Variants in MACC1 observed in about 807,000 individuals in gnomAD.
The protein encoded by MACC1 is MET transcriptional regulator MACC1, also known as metastasis-associated in colon cancer protein 1.
Under a neutral mutation model 70.7 loss-of-function variants are expected in MACC1, and 79 were observed. The observed-to-expected ratio is 1.12, with a 90% CI of 0.93 to 1.35. MACC1 has a LOEUF of 1.35. Among genes scored for constraint, MACC1 ranks in the 40% most tolerant of loss-of-function variants. MACC1 has a pLI of 0.00. For synonymous variants in MACC1, 361 were observed against 347.2 expected, an observed-to-expected ratio of 1.04 and a Z score of -0.44; for missense variants, 1,106 against 978.1, an observed-to-expected ratio of 1.13 and a Z score of -1.74.
rs996076402 is a variant in MACC1, at chr7:20,158,340, G to A, written c.2021C>T (p.Ser674Leu). 6.2e-7 allele frequency: 1 copy of A among 1,613,864 alleles called. No homozygotes were observed. Among genetic ancestry groups the A allele is most frequent in the East Asian group, 2.2e-5 (1 of 44,858 alleles). ...WKVLADVLGY[S>L]HLSLEDFDQI... ...ATCAAAATCTTCCAGGGACAGATGTGAGTAACCCAGGACATCAGCTAAAAC... is the reference window on the plus strand; with the variant it reads ...ATCAAAATCTTCCAGGGACAGATGTAAGTAACCCAGGACATCAGCTAAAAC... Residue 674 changes from serine to leucine, a missense_variant, in exon 5 of 7, where the codon TCA (serine) becomes TTA (leucine). By Grantham distance (145) the Ser-to-Leu change is moderately radical. Coordinates refer to ENST00000400331, the MANE Select transcript of MACC1 (RefSeq NM_182762.4).
At chr7:20,192,807 A>G (rs1383525943) in intron 1 of MACC1, among the ~76,000 whole-genome samples, 1 of 152,232 alleles carries the variant, frequency 6.6e-6, no homozygotes, top group Non-Finnish European at 1.5e-5. Flanking sequence ...CTTGCTGAAC[A>G]TAATTAAATC....
intron 1 of MACC1, among the ~76,000 whole-genome samples, chr7:20,199,838 A>G (rs1379764987): frequency 6.6e-6 from 1 of 152,222 alleles, no homozygotes; most frequent in East Asian, 1.9e-4. Context: ...ATATCTTAAA[A>G]ATAAATTTAA....
chr7:20,161,518 G>A (rs1782138746), intron 4 of MACC1, among the ~76,000 whole-genome samples: 1 of 151,772 alleles, frequency 6.6e-6, no homozygotes, highest in African/African-American at 2.4e-5. Flanking sequence ...TATAGTTATT[G>A]CATATAACAC....
intron 2 of MACC1, among the ~76,000 whole-genome samples, chr7:20,168,533 G>T (rs770896866): frequency 6.6e-6 from 1 of 152,190 alleles, no homozygotes; most frequent in African/African-American, 2.4e-5. Flanking sequence ...ATAAAGAGGG[G>T]TGAAGAGGAG....
intron 1 of MACC1, among the ~76,000 whole-genome samples, chr7:20,180,367 C>T (rs1028272967): frequency 6.6e-6 from 1 of 150,908 alleles, no homozygotes; most frequent in African/African-American, 2.4e-5. Flanking sequence ...TGCTTGAACC[C>T]GGGAGGAGGA....
chr7:20,183,470 T>C (rs1047861809), intron 1 of MACC1, among the ~76,000 whole-genome samples: 3 of 152,222 alleles, frequency 2.0e-5, no homozygotes, highest in Admixed American at 6.5e-5. Context: ...AGGGCCAAGC[T>C]TCATTGTACC....
intron 1 of MACC1, among the ~76,000 whole-genome samples, chr7:20,207,607 T>A (rs1308459586): frequency 1.3e-5 from 2 of 152,214 alleles, no homozygotes; most frequent in Admixed American, 6.5e-5. Flanking sequence ...ATAGCGCTAT[T>A]CACCATGTTG....
intron 1 of MACC1, among the ~76,000 whole-genome samples, chr7:20,209,177 A>G (rs56048579): frequency 0.13 from 19,547 of 152,274 alleles, 1,456 homozygotes; most frequent in African/African-American, 0.19. Context: ...CCCCACACAT[A>G]GTCCGCTCTG....
chr7:20,183,301 T>C (rs1456660917), intron 1 of MACC1, among the ~76,000 whole-genome samples: 6 of 152,226 alleles, frequency 3.9e-5, no homozygotes, highest in Admixed American at 2.0e-4. Context: ...CCCCTGGCTG[T>C]AGTTGGCAAG....
intron 1 of MACC1, among the ~76,000 whole-genome samples, chr7:20,203,944 T>A (rs1782870604): frequency 6.6e-6 from 1 of 152,188 alleles, no homozygotes; most frequent in Non-Finnish European, 1.5e-5. Context: ...GGCTCATCAC[T>A]AAAATATATT....
At chr7:20,176,347 C>A (rs561442090) in intron 1 of MACC1, among the ~76,000 whole-genome samples, 1 of 152,142 alleles carries the variant, frequency 6.6e-6, no homozygotes, top group African/African-American at 2.4e-5. Context: ...AGAACTGTAG[C>A]AGGGTTAATT....
chr7:20,184,084 G>C (rs907717186), intron 1 of MACC1, among the ~76,000 whole-genome samples: 1 of 152,016 alleles, frequency 6.6e-6, no homozygotes, highest in African/African-American at 2.4e-5. Context: ...TAGATTTTAA[G>C]TTCCAACACT....
Position 20,199,409 on chromosome 7 carries a change from T to C in MACC1, c.-218+17890A>G, listed in dbSNP as rs959513551. 1.6e-4 allele frequency among the ~76,000 whole-genome samples: 25 copies of C among 152,240 alleles called. 1 individual carries two copies. The highest frequency in any genetic ancestry group is 3.2e-3 in the Middle Eastern group (1 of 316). Reference sequence around the variant, plus strand: ...ATGTATATTACATGGAGAAGGGACCTGGTGTGTGTGATAGTACTGGAGGCT... The same window carrying C: ...ATGTATATTACATGGAGAAGGGACCCGGTGTGTGTGATAGTACTGGAGGCT... On this transcript the variant is annotated intron_variant, in intron 1 of 6. Coordinates refer to ENST00000400331, the MANE Select transcript of MACC1 (RefSeq NM_182762.4).
At chr7:20,151,986 C>A (rs1781986233) in intron 6 of MACC1, among the ~76,000 whole-genome samples, 1 of 152,136 alleles carries the variant, frequency 6.6e-6, no homozygotes, top group South Asian at 2.1e-4. Flanking sequence ...GTTACTTATC[C>A]TCTCCATATC....
Position 20,184,430 on chromosome 7 carries a change from T to C in MACC1, c.-217-13652A>G, listed in dbSNP as rs564929243. Among the ~76,000 whole-genome samples the C allele has an allele frequency of 5.6e-4, 86 of 152,344 alleles. 1 individual carries two copies. The highest frequency in any genetic ancestry group is 1.7e-3 in the South Asian group (8 of 4,824). On this transcript the variant is annotated intron_variant, in intron 1 of 6. Transcript: ENST00000400331. ...CAGTCTCTGCAACAATTTTCTCATA[T>C]CTTCTACTCTTATTTCAAACTTGCA...
intron 6 of MACC1, 151 bp from the exon 7 acceptor site, chr7:20,141,309 G>C: frequency 1.9e-6 from 1 of 522,414 alleles, no homozygotes; most frequent in African/African-American, 1.9e-5. Flanking sequence ...AGAAAATATG[G>C]TTTAATAACT....
rs1781715406 is a variant in MACC1, at chr7:20,136,187, G to A, written c.*4759C>T. 1 of 152,212 alleles carries A rather than the reference G, an allele frequency of 6.6e-6. No homozygotes were observed. The highest frequency in any genetic ancestry group is 1.5e-5 in the Non-Finnish European group (1 of 68,038). 9.4% of individuals were successfully genotyped at this position (152,212 alleles called of 1,614,324 possible). ...AGAGAGGCCAAGTGACAGGTCCACA[G>A]TCTCATAGGGAGTAAGGGAGTAATG... On this transcript the variant is annotated 3_prime_UTR_variant, in exon 7 of 7. Coordinates refer to ENST00000400331, the MANE Select transcript of MACC1 (RefSeq NM_182762.4).
At chr7:20,166,320 A>G (rs1782217836) in intron 2 of MACC1, among the ~76,000 whole-genome samples, 2 of 152,168 alleles carry the variant, frequency 1.3e-5, no homozygotes. Context: ...TGCCCAAGTA[A>G]CATTGTATTA....
chr7:20,160,390 C>G (rs1268339080), intron 4 of MACC1, 145 bp from the exon 5 acceptor site: 31 of 940,366 alleles, frequency 3.3e-5, no homozygotes, highest in Non-Finnish European at 4.3e-5. Flanking sequence ...CTAACATAAA[C>G]TCAATGTTAA....
Sources: gnomAD v4.1 joint callset for allele counts (sites outside exome capture counted in the v4.1 genomes callset) on GRCh38, gnomAD v4.1.1 for gene constraint, MANE v1.5 for transcripts, NCBI Gene and HGNC (gene_info 2026-07-23, HGNC 2026-07-21) for gene names.